The following PDE3B variants were observed in gnomAD, a reference collection of about 807,000 sequenced individuals.
PDE3B encodes the protein cGMP-inhibited 3',5'-cyclic phosphodiesterase 3B.
PDE3B carries 66 observed loss-of-function variants against 116.8 expected under a neutral mutation model. That is an observed-to-expected ratio of 0.56 (90% confidence interval 0.46 to 0.69). The LOEUF (loss-of-function observed/expected upper bound fraction) is 0.69, where lower values mean the gene tolerates loss of function less well. Ranked by LOEUF, PDE3B falls within the 30% of genes least tolerant of loss-of-function variation. The pLI is 0.00. For synonymous variants in PDE3B, 595 were observed against 533.6 expected, an observed-to-expected ratio of 1.12 and a Z score of -1.59; for missense variants, 1,384 against 1,368.1, an observed-to-expected ratio of 1.01 and a Z score of -0.18.
intron 1 of PDE3B, among the ~76,000 whole-genome samples, chr11:14,678,329 T>C (rs1432341014): frequency 6.6e-6 from 1 of 152,144 alleles, no homozygotes; most frequent in African/African-American, 2.4e-5. Flanking sequence ...TGTGTGAACA[T>C]TAGTTTTTAT....
At chr11:14,731,773 G>C (rs555956652) in intron 1 of PDE3B, among the ~76,000 whole-genome samples, 2 of 152,260 alleles carry the variant, frequency 1.3e-5, no homozygotes, top group South Asian at 4.1e-4. Context: ...TATTTATTCA[G>C]AAAGTGCTTA....
chr11:14,845,724 G>A lies in PDE3B; in HGVS notation c.2520+1698G>A, dbSNP rs564754547. On this transcript the variant is annotated intron_variant, in intron 12 of 15. Transcript: ENST00000282096. ...CCTCAGGAGCCGATGTGATCAACCGGAAGAAAGGGTTTCGGTGATGGAAGA... is the reference window on the plus strand; with the variant it reads ...CCTCAGGAGCCGATGTGATCAACCGAAAGAAAGGGTTTCGGTGATGGAAGA... Among the ~76,000 whole-genome samples, 15 of 152,326 alleles carry A rather than the reference G, an allele frequency of 9.8e-5. No homozygotes were observed. In the South Asian group the frequency reaches 2.9e-3, roughly 29 times the overall value.
chr11:14,799,031 C>T (rs1267204052), intron 4 of PDE3B, among the ~76,000 whole-genome samples: 1 of 152,134 alleles, frequency 6.6e-6, no homozygotes, highest in Non-Finnish European at 1.5e-5. Context: ...GTTAGGGTGT[C>T]AATTTTAGAT....
chr11:14,840,891 G>A (rs1268752319), intron 11 of PDE3B, among the ~76,000 whole-genome samples: 1 of 152,162 alleles, frequency 6.6e-6, no homozygotes, highest in Non-Finnish European at 1.5e-5. Flanking sequence ...AGGTGTTTTA[G>A]TTAGGGGGTT....
chr11:14,853,663 C>G lies in PDE3B; in HGVS notation c.2521-5380C>G, dbSNP rs532417703. 1.3e-4 allele frequency among the ~76,000 whole-genome samples: 20 copies of G among 152,282 alleles called. 1 individual carries two copies. The South Asian group carries it at 4.2e-3, about 32-fold the overall frequency. The stretch of plus-strand genomic sequence containing the variant: ...ATATAGACAGTAGCATATAATACCA[C>G]CAGCTGGGTCAAGCATTCTTCTTCA... On this transcript the variant is annotated intron_variant, in intron 12 of 15. Coordinates refer to ENST00000282096, the MANE Select transcript of PDE3B (RefSeq NM_000922.4).
At chr11:14,804,191 G>A (rs774261654) in intron 5 of PDE3B, 141 bp downstream of exon 5, 1 of 578,740 alleles carries the variant, frequency 1.7e-6, no homozygotes, top group Non-Finnish European at 3.1e-6. Context: ...AGTTTGGGTT[G>A]GCTACTAATT....
intron 4 of PDE3B, among the ~76,000 whole-genome samples, chr11:14,801,647 C>A (rs1212137553): frequency 6.6e-6 from 1 of 152,204 alleles, no homozygotes; most frequent in Non-Finnish European, 1.5e-5. Context: ...TGACCCTTAG[C>A]AGAGTTTGAA....
At chr11:14,802,657 C>T (rs1031341656) in intron 4 of PDE3B, among the ~76,000 whole-genome samples, 1 of 152,176 alleles carries the variant, frequency 6.6e-6, no homozygotes, top group African/African-American at 2.4e-5. Context: ...GGTACTGTTA[C>T]TCTTCTTTTC....
At chr11:14,861,570 T>C (rs910891934) in intron 14 of PDE3B, among the ~76,000 whole-genome samples, 1 of 152,186 alleles carries the variant, frequency 6.6e-6, no homozygotes, top group African/African-American at 2.4e-5. Flanking sequence ...AAATAACTTA[T>C]TCCCTATCTT....
intron 1 of PDE3B, among the ~76,000 whole-genome samples, chr11:14,711,188 C>T (rs547228355): frequency 6.6e-6 from 1 of 152,108 alleles, no homozygotes; most frequent in Non-Finnish European, 1.5e-5. Flanking sequence ...AAACCATTTA[C>T]CACATTTAGA....
intron 12 of PDE3B, among the ~76,000 whole-genome samples, chr11:14,845,838 G>A (rs1313842161): frequency 2.0e-5 from 3 of 152,192 alleles, no homozygotes; most frequent in African/African-American, 7.2e-5. Flanking sequence ...ATGGGACTAT[G>A]TGAAAAGACC....
intron 1 of PDE3B, among the ~76,000 whole-genome samples, chr11:14,675,691 T>G (rs2133787272): frequency 6.6e-6 from 1 of 152,330 alleles, no homozygotes; most frequent in East Asian, 1.9e-4. Flanking sequence ...TGTATATCAG[T>G]CGTGAATATA....
intron 1 of PDE3B, among the ~76,000 whole-genome samples, chr11:14,746,866 C>T (rs1247245370): frequency 1.3e-5 from 2 of 152,188 alleles, no homozygotes; most frequent in Admixed American, 6.5e-5. Flanking sequence ...TCATTTCCAT[C>T]TCTATGGCTT....
At chr11:14,836,907 G>C (rs956855770) in intron 11 of PDE3B, among the ~76,000 whole-genome samples, 3 of 152,168 alleles carry the variant, frequency 2.0e-5, no homozygotes, top group African/African-American at 7.2e-5. Context: ...CCTCCTAGGC[G>C]GGTTCAAGCA....
rs1274777397 is a variant in PDE3B, at chr11:14,870,747, CTTA to C, written c.*1093_*1095del. On this transcript the variant is annotated 3_prime_UTR_variant, in exon 16 of 16. Transcript: ENST00000282096. This position sits in a 1 kb window ranked among gnomAD's most constrained non-coding sequence, Gnocchi z 4.1. ...ACATGACAGAAATGACCTATCACTA[CTTA>C]TTATTTCTGAAGCCTAACTGCAAGA... 1.3e-5 allele frequency: 2 copies of C among 152,140 alleles called. No homozygotes were observed. The highest frequency in any genetic ancestry group is 2.9e-5 in the Non-Finnish European group (2 of 68,014). 9.4% of individuals were successfully genotyped at this position (152,140 alleles called of 1,614,324 possible). A position where few individuals can be genotyped will look rare whatever the true frequency, so the allele number is the denominator to read the frequency against.
intron 12 of PDE3B, among the ~76,000 whole-genome samples, chr11:14,847,294 A>C: frequency 6.6e-6 from 1 of 151,732 alleles, no homozygotes; most frequent in Non-Finnish European, 1.5e-5. Context: ...GAAACCAACG[A>C]GAACAAAGAC....
At chr11:14,743,592 A>G (rs1160206867) in intron 1 of PDE3B, among the ~76,000 whole-genome samples, 2 of 152,146 alleles carry the variant, frequency 1.3e-5, no homozygotes, top group Non-Finnish European at 1.5e-5. Context: ...CTGGTGTTCC[A>G]TGTGCCACTG....
chr11:14,804,785 A>C (rs1042861026), intron 5 of PDE3B, among the ~76,000 whole-genome samples: 8 of 152,158 alleles, frequency 5.3e-5, no homozygotes, highest in Admixed American at 1.3e-4. Flanking sequence ...AATAGAAGGA[A>C]TAATGGCCAA....
intron 7 of PDE3B, among the ~76,000 whole-genome samples, chr11:14,819,871 A>G (rs1859464270): frequency 6.6e-6 from 1 of 152,208 alleles, no homozygotes. Flanking sequence ...AAAAGAGTGT[A>G]TGCCAATTCC....
Sources: gnomAD v4.1 joint callset for allele counts (sites outside exome capture counted in the v4.1 genomes callset) on GRCh38, gnomAD v4.1.1 for gene constraint, Gnocchi (gnomAD v3.1) non-coding constraint, MANE v1.5 for transcripts, NCBI Gene and HGNC (gene_info 2026-07-23, HGNC 2026-07-21) for gene names.